QTMAN: variants seen among roughly 807,000 people sequenced by gnomAD.
QTMAN encodes queuosine-tRNA mannosyltransferase.
At chr2:144,007,657 C>T in the QTMAN span, 8 of 643,012 alleles carry the variant, frequency 1.2e-5, no homozygotes, top group African/African-American at 1.5e-4. Context: ...AGATGTTATA[C>T]AAAAATTCCA....
At chr2:143,961,315 G>A in the QTMAN span, among the ~76,000 whole-genome samples, 3 of 152,128 alleles carry the variant, frequency 2.0e-5, no homozygotes, top group Admixed American at 6.6e-5. Context: ...GTCTTTTACT[G>A]GGGAAATATT....
the QTMAN span, among the ~76,000 whole-genome samples, chr2:144,179,814 G>C: frequency 4.2e-3 from 645 of 152,270 alleles, 4 homozygotes; most frequent in African/African-American, 0.014. Flanking sequence ...CTTGCATACA[G>C]GTTTCCTGGA....
chr2:144,020,016 C>G, the QTMAN span, among the ~76,000 whole-genome samples: 3 of 152,218 alleles, frequency 2.0e-5, no homozygotes, highest in African/African-American at 7.2e-5. Context: ...TTCTTGCTCT[C>G]TGATATGAAT....
At chr2:143,969,476 G>A in the QTMAN span, among the ~76,000 whole-genome samples, 1 of 152,186 alleles carries the variant, frequency 6.6e-6, no homozygotes, top group Non-Finnish European at 1.5e-5. Flanking sequence ...GGGGTACAAT[G>A]ATGAACACAA....
chr2:144,157,513 C>T, the QTMAN span, among the ~76,000 whole-genome samples: 4 of 151,908 alleles, frequency 2.6e-5, no homozygotes, highest in South Asian at 8.3e-4. Context: ...ACATAGAATG[C>T]CATAAGCGAA....
At chr2:143,951,919 T>A in the QTMAN span, 36 of 814,980 alleles carry the variant, frequency 4.4e-5, no homozygotes, top group East Asian at 6.6e-4. Flanking sequence ...TGTTTTTTTT[T>A]AAGATTTTTC....
At chr2:143,979,599 T>C in the QTMAN span, among the ~76,000 whole-genome samples, 22 of 152,192 alleles carry the variant, frequency 1.4e-4, no homozygotes, top group African/African-American at 5.1e-4. Flanking sequence ...TGCAAACATA[T>C]AGATTTGTAT....
the QTMAN span, among the ~76,000 whole-genome samples, chr2:143,956,847 G>A: frequency 6.6e-6 from 1 of 151,976 alleles, no homozygotes; most frequent in Non-Finnish European, 1.5e-5. Context: ...TAATATATAT[G>A]GGAGTTATAA....
chr2:144,049,441 T>C, the QTMAN span, among the ~76,000 whole-genome samples: 1 of 152,280 alleles, frequency 6.6e-6, no homozygotes, highest in South Asian at 2.1e-4. Flanking sequence ...AGCAATATAT[T>C]TATTTTAATT....
chr2:143,970,602 A>C, the QTMAN span: 7 of 919,466 alleles, frequency 7.6e-6, no homozygotes, highest in African/African-American at 3.3e-5. Context: ...CTTACGTTGT[A>C]GAGCTTATGT....
chr2:144,184,066 G>C, the QTMAN span, among the ~76,000 whole-genome samples: 1 of 152,160 alleles, frequency 6.6e-6, no homozygotes, highest in African/African-American at 2.4e-5. Context: ...CAAAAGCTGG[G>C]ATAAGTTAGA....
At chr2:144,141,941 G>A in the QTMAN span, 2 of 1,611,288 alleles carry the variant, frequency 1.2e-6, no homozygotes, top group African/African-American at 2.7e-5. Context: ...GTCTGATGAT[G>A]CTTTCCAGAT....
At chr2:144,321,619 T>A in the QTMAN span, among the ~76,000 whole-genome samples, 1 of 152,152 alleles carries the variant, frequency 6.6e-6, no homozygotes, top group African/African-American at 2.4e-5. Flanking sequence ...TTTATTTGAT[T>A]AAGAGACAGA....
the QTMAN span, among the ~76,000 whole-genome samples, chr2:144,018,855 T>C: frequency 6.6e-6 from 1 of 152,104 alleles, no homozygotes; most frequent in Non-Finnish European, 1.5e-5. Context: ...AACCCAGCCC[T>C]AGAAAGGGAG....
the QTMAN span, among the ~76,000 whole-genome samples, chr2:144,280,970 C>T: frequency 6.6e-6 from 1 of 151,580 alleles, no homozygotes; most frequent in African/African-American, 2.4e-5. Flanking sequence ...AGGTTTGTTA[C>T]ATACGTATAC....
At chr2:144,035,723 A>AT in the QTMAN span, among the ~76,000 whole-genome samples, 1 of 152,196 alleles carries the variant, frequency 6.6e-6, no homozygotes, top group South Asian at 2.1e-4. Flanking sequence ...AAGTTTAAAC[A>AT]TTTTTTCCAT....
the QTMAN span, among the ~76,000 whole-genome samples, chr2:144,100,472 C>A: frequency 6.6e-6 from 1 of 152,162 alleles, no homozygotes; most frequent in Non-Finnish European, 1.5e-5. Flanking sequence ...AAGTCATATA[C>A]ATCACCAAAT....
At chr2:144,326,586 C>CAAAAAAAAAAAAAAAAA in the QTMAN span, among the ~76,000 whole-genome samples, 1 of 43,734 alleles carries the variant, frequency 2.3e-5, no homozygotes. Flanking sequence ...GACTCCATCT[C>CAAAAAAAAAAAAAAAAA]AAAAAAAAAA....
At chr2:144,278,912 C>T in the QTMAN span, among the ~76,000 whole-genome samples, 2 of 152,056 alleles carry the variant, frequency 1.3e-5, no homozygotes, top group Non-Finnish European at 2.9e-5. Flanking sequence ...GTTTAAAGTG[C>T]TTCATATACA....
Sources: gnomAD v4.1 joint callset for allele counts (sites outside exome capture counted in the v4.1 genomes callset) on GRCh38, gnomAD v4.1.1 for gene constraint, MANE v1.5 for transcripts, NCBI Gene and HGNC (gene_info 2026-07-23, HGNC 2026-07-21) for gene names.